CAPN8: variants seen among roughly 807,000 people sequenced by gnomAD.
CAPN8 encodes the protein calpain-8.
In CAPN8, 87 loss-of-function variants were observed where a neutral mutation model predicts 80.9. The observed-to-expected ratio is 1.07, with a 90% confidence interval of 0.90 to 1.28. The LOEUF (loss-of-function observed/expected upper bound fraction) is 1.28. Among genes scored for constraint, CAPN8 ranks in the 50% most tolerant of loss-of-function variants. The probability of loss-of-function intolerance (pLI) is 0.00; values close to 1 mark genes in which losing one functional copy is unlikely to be tolerated. For synonymous variants in CAPN8, 299 were observed against 273.8 expected (o/e 1.09, Z -0.91); for missense variants, 757 against 702.0 (o/e 1.08, Z -0.89).
rs557448018 is a variant in CAPN8, at chr1:223,654,837, G to A, written c.238-438C>T. On this transcript the variant is annotated intron_variant, in intron 1 of 20. Coordinates refer to ENST00000366872, the MANE Select transcript of CAPN8 (RefSeq NM_001143962.2). ...ATTACAGGCACGTGCCACCACACCC[G>A]GCTAATTTTTTTTTTTTTTTTTTTT... Among the ~76,000 whole-genome samples, 1,122 of 132,668 alleles carry A rather than the reference G, an allele frequency of 8.5e-3. 16 individuals are homozygous for A. The highest frequency in any genetic ancestry group is 0.031 in the African/African-American group (1,059 of 33,726). 87.0% of individuals were successfully genotyped at this position (132,668 alleles called of 152,430 possible). A position where few individuals can be genotyped will look rare whatever the true frequency, so the allele number is the denominator to read the frequency against.
rs371295276 is a variant in CAPN8 at position 223,665,462 on chromosome 1, T to G, written c.185A>C (p.Asp62Ala). Residue 62 changes from aspartate (D) to alanine (A), a missense_variant, in exon 1 of 21, where the codon GAT becomes GCT. Transcript: ENST00000366872. ...PACPSALGYKDLGPGSPQTQG... is the reference protein window; with the variant it reads ...PACPSALGYKALGPGSPQTQG... ...AGTTTGCGGAGAGCCTGGTCCAAGA[T>G]CCTTGTAGCCCAAAGCTGATGGACA... 181 of 1,552,068 alleles carry G rather than the reference T, an allele frequency of 1.2e-4. No homozygotes were observed. In the African/African-American group the frequency reaches 2.3e-3, roughly 20 times the overall value.
intron 14 of CAPN8, among the ~76,000 whole-genome samples, chr1:223,552,020 A>C (rs1656799737): frequency 6.6e-6 from 1 of 152,212 alleles, no homozygotes; most frequent in Non-Finnish European, 1.5e-5. Flanking sequence ...GATGGAGAGC[A>C]GATCTCAGGC....
At chr1:223,549,107 C>T (rs762764326) in intron 16 of CAPN8, among the ~76,000 whole-genome samples, 8 of 151,972 alleles carry the variant, frequency 5.3e-5, no homozygotes, top group East Asian at 1.9e-4. Context: ...ACCTGTGAAA[C>T]GGAGATAATC....
At chr1:223,656,133 G>A (rs1359010881) in intron 1 of CAPN8, among the ~76,000 whole-genome samples, 4 of 151,628 alleles carry the variant, frequency 2.6e-5, no homozygotes, top group Non-Finnish European at 5.9e-5. Context: ...TGAAATGGCA[G>A]AAACAGCTCC....
intron 11 of CAPN8, 91 bp downstream of exon 11, chr1:223,612,155 C>T (rs34786756): frequency 0.71 from 782,361 of 1,101,644 alleles, 280,240 homozygotes; most frequent in African/African-American, 0.91. Context: ...CCAGCTTCTA[C>T]CACAGGAAAC....
At chr1:223,638,303 G>A (rs2404353) in intron 2 of CAPN8, among the ~76,000 whole-genome samples, 151,922 of 152,294 alleles carry the variant, frequency 1, 75,776 homozygotes, top group Middle Eastern at 1. Context: ...GTGGATTTTG[G>A]TATTCCTGGG....
At chr1:223,630,474 C>T (rs1457648673) in intron 2 of CAPN8, among the ~76,000 whole-genome samples, 3 of 151,878 alleles carry the variant, frequency 2.0e-5, no homozygotes, top group Non-Finnish European at 1.5e-5. Context: ...GTCACTAGAA[C>T]TACAGGTGCA....
chr1:223,551,107 A>G (rs967615097), intron 14 of CAPN8, 90 bp from the exon 15 acceptor site: 1 of 679,164 alleles, frequency 1.5e-6, no homozygotes, highest in African/African-American at 1.8e-5. Context: ...TCACAGTCAG[A>G]CACCAGGCCC....
At chr1:223,617,442 T>C (rs1411759669) in intron 9 of CAPN8, 2 of 152,198 alleles carry the variant, frequency 1.3e-5, no homozygotes, top group African/African-American at 2.4e-5. Flanking sequence ...CTTCCATCAC[T>C]ACCAAAGGGC....
Position 223,627,089 on chromosome 1 carries a change from C to T in CAPN8, c.629G>A (p.Gly210Asp). 4 of 1,552,278 alleles carry T rather than the reference C, an allele frequency of 2.6e-6. No individual in the cohort carries two copies. The highest frequency in any genetic ancestry group is 1.2e-5 in the South Asian group (1 of 84,060). Residue 210 changes from glycine (G) to aspartate (D), a missense_variant, in exon 5 of 21, where the codon GGC (glycine) becomes GAC (aspartate). Transcript: ENST00000366872. ...CTTCAGGTCATAAAACTCAGAGATG[C>T]CACCTGTGAAATCCTCAAACCCCTC... is the stretch of plus-strand genomic sequence containing the variant. Reference protein sequence around the residue: ...TVEGFEDFTGGISEFYDLKKP... With the variant: ...TVEGFEDFTGDISEFYDLKKP...
chr1:223,548,202 A>T (rs1446912505), intron 16 of CAPN8, among the ~76,000 whole-genome samples: 1 of 151,782 alleles, frequency 6.6e-6, no homozygotes, highest in Non-Finnish European at 1.5e-5. Flanking sequence ...GCCCCAAGGA[A>T]CTGAGAAAAA....
In CAPN8 at chr1:223,656,165, T is replaced by C. The variant is rs79664705; in HGVS notation, c.238-1766A>G. 2.4e-4 allele frequency among the ~76,000 whole-genome samples: 36 copies of C among 150,244 alleles called. No individual in the cohort carries two copies. The South Asian group carries it at 2.6e-3, about 11-fold the overall frequency. Reference sequence around the variant, plus strand: ...CTCCTCTGGGCTGACTTTTTTTTTTTCCCAAGTATTAAAAAAAATTTTGCT... The same window carrying C: ...CTCCTCTGGGCTGACTTTTTTTTTTCCCCAAGTATTAAAAAAAATTTTGCT... On this transcript the variant is annotated intron_variant, in intron 1 of 20. Transcript: ENST00000366872.
chr1:223,642,409 C>G (rs1314089326), intron 2 of CAPN8, among the ~76,000 whole-genome samples: 4 of 152,174 alleles, frequency 2.6e-5, no homozygotes, highest in African/African-American at 9.7e-5. Flanking sequence ...TCTGCTGCCC[C>G]CCATAGGTTT....
At position 223,628,766 on chromosome 1, in the gene CAPN8, G is replaced by A. The variant is rs977387525; in HGVS notation, c.322C>T (p.Leu108=). ...CQGGLGDCWL[L]AAIASLTLNE... The stretch of plus-strand genomic sequence containing the variant: ...AGGGTCAGGGAGGCAATGGCAGCCA[G>A]AAGCCAGCAGTCACCTGCACAGTGT... Residue 108 remains leucine, a synonymous_variant, in exon 3 of 21, where the codon CTG becomes TTG. Transcript: ENST00000366872. The A allele has an allele frequency of 1.3e-6, 2 of 1,554,556 alleles. No homozygotes were observed. The highest frequency in any genetic ancestry group is 8.7e-7 in the Non-Finnish European group (1 of 1,148,890).
At chr1:223,663,017 T>A (rs1474991230) in intron 1 of CAPN8, among the ~76,000 whole-genome samples, 4 of 152,124 alleles carry the variant, frequency 2.6e-5, no homozygotes, top group African/African-American at 4.8e-5. Flanking sequence ...GAAGGAGAGG[T>A]TAAATTTTGA....
chr1:223,622,999 T>C, intron 6 of CAPN8, 99 bp from the exon 7 acceptor site: 1 of 958,202 alleles, frequency 1.0e-6, no homozygotes, highest in Non-Finnish European at 1.6e-6. Flanking sequence ...ATTTTTCAAA[T>C]GTCCCTAAAG....
At chr1:223,642,120 G>A (rs937748987) in intron 2 of CAPN8, among the ~76,000 whole-genome samples, 1 of 152,172 alleles carries the variant, frequency 6.6e-6, no homozygotes, top group African/African-American at 2.4e-5. Context: ...TCAATCCAGG[G>A]CATGACAGAT....
In CAPN8 at chr1:223,609,138, G is replaced by C. The variant is rs2102696025; in HGVS notation, c.1535+15C>G. 1 of 398,392 alleles carries C rather than the reference G, an allele frequency of 2.5e-6. No individual in the cohort carries two copies. The highest frequency in any genetic ancestry group is 3.6e-5 in the East Asian group (1 of 27,980). 24.7% of individuals were successfully genotyped at this position (398,392 alleles called of 1,614,324 possible). Reference sequence around the variant, plus strand: ...ACAGACAACTGTTCCCCACCACGGAGGGAAGGAGACGCACAGGGCCTGGGC... The same window carrying C: ...ACAGACAACTGTTCCCCACCACGGACGGAAGGAGACGCACAGGGCCTGGGC... On this transcript the variant is annotated intron_variant, in intron 12 of 20. Coordinates refer to ENST00000366872, the MANE Select transcript of CAPN8 (RefSeq NM_001143962.2).
At chr1:223,656,147 G>A (rs1658479075) in intron 1 of CAPN8, among the ~76,000 whole-genome samples, 1 of 146,870 alleles carries the variant, frequency 6.8e-6, no homozygotes, top group African/African-American at 2.4e-5. Context: ...CAGCTCCTCT[G>A]GGCTGACTTT....
Sources: gnomAD v4.1 joint callset for allele counts (sites outside exome capture counted in the v4.1 genomes callset) on GRCh38, gnomAD v4.1.1 for gene constraint, MANE v1.5 for transcripts, NCBI Gene and HGNC (gene_info 2026-07-23, HGNC 2026-07-21) for gene names.